Variants in WNT3 observed in about 807,000 individuals in gnomAD.
WNT3 encodes Wnt family member 3.
WNT3 carries 7 observed loss-of-function variants against 34.2 expected under a neutral mutation model. The observed-to-expected ratio is 0.20, with a 90% CI of 0.12 to 0.38. The LOEUF is 0.38. WNT3 is among the 10% of genes least tolerant of loss of function. WNT3 has a pLI of 1.00. For missense variants in WNT3, 267 were observed against 499.8 expected, an observed-to-expected ratio of 0.53 and a Z score of 4.44; for synonymous variants, 212 against 211.5, an observed-to-expected ratio of 1.00 and a Z score of -0.02.
intron 1 of WNT3, among the ~76,000 whole-genome samples, chr17:46,810,575 T>C (rs558772825): frequency 6.6e-6 from 1 of 152,226 alleles, no homozygotes; most frequent in Non-Finnish European, 1.5e-5. Flanking sequence ...ATCATCCAAT[T>C]TGCAGATGAG....
chr17:46,795,345 G>A (rs1598783190), intron 1 of WNT3, among the ~76,000 whole-genome samples: 1 of 152,214 alleles, frequency 6.6e-6, no homozygotes, highest in East Asian at 1.9e-4. Context: ...CCTAGGCAGT[G>A]TGGAAAGCAG....
chr17:46,771,497 G>A (rs1409159933), intron 2 of WNT3, among the ~76,000 whole-genome samples: 1 of 149,476 alleles, frequency 6.7e-6, no homozygotes, highest in Non-Finnish European at 1.5e-5. Flanking sequence ...GGAACGCGGG[G>A]GCGGCGGGGG....
At chr17:46,794,134 G>A (rs2084023138) in intron 1 of WNT3, among the ~76,000 whole-genome samples, 1 of 151,996 alleles carries the variant, frequency 6.6e-6, no homozygotes, top group East Asian at 1.9e-4. Context: ...GCGTGGGGGA[G>A]AGCAAGTGAA....
chr17:46,812,420 T>A (rs1044852757), intron 1 of WNT3, among the ~76,000 whole-genome samples: 1 of 151,888 alleles, frequency 6.6e-6, no homozygotes, highest in Non-Finnish European at 1.5e-5. Flanking sequence ...ACCTTCTGAA[T>A]CATCTCTCAG....
At chr17:46,783,863 G>A (rs1283875920) in intron 1 of WNT3, among the ~76,000 whole-genome samples, 1 of 152,236 alleles carries the variant, frequency 6.6e-6, no homozygotes, top group Non-Finnish European at 1.5e-5. Context: ...GGGGCCCTGA[G>A]TGCCAGACAT....
At chr17:46,774,099 G>A (rs2059396219) in intron 1 of WNT3, among the ~76,000 whole-genome samples, 190 bp from the exon 2 acceptor site, 1 of 152,232 alleles carries the variant, frequency 6.6e-6, no homozygotes, top group Non-Finnish European at 1.5e-5. Context: ...ACCCACGCAA[G>A]TCAGCCCTCT....
chr17:46,771,782 C>A (rs1314931565), intron 2 of WNT3, among the ~76,000 whole-genome samples: 1 of 143,726 alleles, frequency 7.0e-6, no homozygotes, highest in African/African-American at 2.5e-5. Context: ...CGCGCCGCGC[C>A]GCGCCGAATG....
At chr17:46,770,995 G>T (rs987550675) in intron 2 of WNT3, among the ~76,000 whole-genome samples, 1 of 152,242 alleles carries the variant, frequency 6.6e-6, no homozygotes, top group Non-Finnish European at 1.5e-5. Flanking sequence ...CGCCGGGCCG[G>T]CCTAGTCGGC....
rs1248264081 is a variant in WNT3 at position 46,764,602 on chromosome 17, C to T, written c.*28G>A. 1 of 152,338 alleles carries T rather than the reference C, an allele frequency of 6.6e-6. No individual in the cohort carries two copies. The highest frequency in any genetic ancestry group is 1.5e-5 in the Non-Finnish European group (1 of 68,116). The allele number at this position is 152,338 out of a possible 1,614,324, so 9.4% of individuals were successfully genotyped here. ...TTCGCTGAATCCGCCCAGCCACACACTTCACCCCTTCCCAGCGCCCTTGGG... is the reference window on the plus strand; with the variant it reads ...TTCGCTGAATCCGCCCAGCCACACATTTCACCCCTTCCCAGCGCCCTTGGG... On this transcript the variant is annotated 3_prime_UTR_variant, in exon 5 of 5. Coordinates refer to ENST00000225512, the MANE Select transcript of WNT3 (RefSeq NM_030753.5).
At chr17:46,796,799 C>T (rs1015831876) in intron 1 of WNT3, among the ~76,000 whole-genome samples, 24 of 152,356 alleles carry the variant, frequency 1.6e-4, no homozygotes, top group African/African-American at 5.8e-4. Flanking sequence ...GACTGATTGG[C>T]TGACTGCTTC....
intron 1 of WNT3, 114 bp from the exon 2 acceptor site, chr17:46,774,023 C>T: frequency 6.9e-7 from 1 of 1,441,810 alleles, no homozygotes. Context: ...AGGGCCTGTG[C>T]CCTGGCACCT....
At chr17:46,767,665 C>G (rs1041088558) in intron 4 of WNT3, among the ~76,000 whole-genome samples, 7 of 152,218 alleles carry the variant, frequency 4.6e-5, no homozygotes, top group African/African-American at 1.4e-4. Context: ...CCAAATAATG[C>G]TCAAGAATGA....
At chr17:46,773,616 T>TGGTGGGGGGGGGGGGGGGGGGGGGGGGG in intron 2 of WNT3, 52 bp downstream of exon 2, 1 of 997,788 alleles carries the variant, frequency 1.0e-6, no homozygotes, top group Non-Finnish European at 1.5e-6. Flanking sequence ...CATACAGTCC[T>TGGTGGGGGGGGGGGGGGGGGGGGGGGGG]GATCCCTCCC....
At chr17:46,785,165 A>T (rs938027987) in intron 1 of WNT3, among the ~76,000 whole-genome samples, 1 of 151,798 alleles carries the variant, frequency 6.6e-6, no homozygotes, top group African/African-American at 2.4e-5. Flanking sequence ...ACACAGTGGG[A>T]CCTCCCAGCC....
chr17:46,769,969 G>A lies in WNT3; in HGVS notation c.402C>T (p.Gly134=), dbSNP rs772867826. 5 of 1,611,948 alleles carry A rather than the reference G, an allele frequency of 3.1e-6. No individual in the cohort carries two copies. Among genetic ancestry groups the A allele is most frequent in the Non-Finnish European group, 4.2e-6 (5 of 1,179,374 alleles). The change falls in exon 3 of 5, where the codon GGC becomes GGT. Residue 134 remains glycine (G), a synonymous_variant. Coordinates refer to ENST00000225512, the MANE Select transcript of WNT3 (RefSeq NM_030753.5). ...AFAVTRSCAE[G]TSTICGCDSH... ...AGTCACAGCCGCAAATGGTGGAGGTGCCCTCGGCGCAGGAGCGGGTGACGG... is the reference window on the plus strand; with the variant it reads ...AGTCACAGCCGCAAATGGTGGAGGTACCCTCGGCGCAGGAGCGGGTGACGG...
chr17:46,804,491 G>A (rs537134876), intron 1 of WNT3, among the ~76,000 whole-genome samples: 2 of 152,202 alleles, frequency 1.3e-5, no homozygotes, highest in South Asian at 2.1e-4. Flanking sequence ...GGGAAGTGCT[G>A]TAAGACACCA....
At chr17:46,784,804 C>G (rs1158924585) in intron 1 of WNT3, among the ~76,000 whole-genome samples, 1 of 145,800 alleles carries the variant, frequency 6.9e-6, no homozygotes, top group Non-Finnish European at 1.5e-5. Context: ...GAGATGGAGT[C>G]TCGCTCTGTC....
At chr17:46,777,952 G>A (rs2059425658) in intron 1 of WNT3, among the ~76,000 whole-genome samples, 1 of 152,202 alleles carries the variant, frequency 6.6e-6, no homozygotes. Flanking sequence ...CATGGTGCCA[G>A]GGTCCCATCC....
chr17:46,794,525 G>A (rs974681196), intron 1 of WNT3, among the ~76,000 whole-genome samples: 1 of 152,152 alleles, frequency 6.6e-6, no homozygotes, highest in African/African-American at 2.4e-5. Flanking sequence ...GCTCTGAGAA[G>A]GGCTCTTCAA....
Sources: gnomAD v4.1 joint callset for allele counts (sites outside exome capture counted in the v4.1 genomes callset) on GRCh38, gnomAD v4.1.1 for gene constraint, MANE v1.5 for transcripts, NCBI Gene and HGNC (gene_info 2026-07-23, HGNC 2026-07-21) for gene names.